The following FAM78B variants were observed in gnomAD, a reference collection of about 807,000 sequenced individuals.
FAM78B encodes protein FAM78B.
FAM78B carries 10 observed loss-of-function variants against 20.0 expected under a neutral mutation model. The ratio of observed to expected loss-of-function variants is 0.50; its 90% CI spans 0.31 to 0.85. FAM78B has a LOEUF of 0.85. FAM78B is among the 40% of genes least tolerant of loss of function. The pLI is 0.05. For missense variants in FAM78B, 283 were observed against 345.0 expected, an observed-to-expected ratio of 0.82 and a Z score of 1.42; for synonymous variants, 135 against 132.8, an observed-to-expected ratio of 1.02 and a Z score of -0.12.
At chr1:166,097,528 G>A (rs1460868486) in intron 1 of FAM78B, among the ~76,000 whole-genome samples, 1 of 151,832 alleles carries the variant, frequency 6.6e-6, no homozygotes, top group African/African-American at 2.4e-5. Context: ...GGAGCATGGT[G>A]GGAGTGAGAC....
At chr1:166,090,366 C>G (rs142741894) in intron 1 of FAM78B, among the ~76,000 whole-genome samples, 14 of 152,288 alleles carry the variant, frequency 9.2e-5, no homozygotes, top group African/African-American at 3.4e-4. Context: ...AGGTTCCGGA[C>G]AGGCAGAGCA....
chr1:166,092,023 T>C (rs1272714400), intron 1 of FAM78B, among the ~76,000 whole-genome samples: 1 of 136,510 alleles, frequency 7.3e-6, no homozygotes, highest in African/African-American at 2.8e-5. Flanking sequence ...TTAACATGAT[T>C]GAGCCATCAT....
chr1:166,111,824 T>C (rs915019287), intron 1 of FAM78B, among the ~76,000 whole-genome samples: 8 of 152,186 alleles, frequency 5.3e-5, no homozygotes, highest in Non-Finnish European at 1.0e-4. Flanking sequence ...AAGAAACAAC[T>C]AGCCATAGAG....
At chr1:166,085,329 A>AT in intron 1 of FAM78B, among the ~76,000 whole-genome samples, 1 of 152,262 alleles carries the variant, frequency 6.6e-6, no homozygotes, top group African/African-American at 2.4e-5. Context: ...GCTCAGGGGA[A>AT]GGGGGGCCAC....
chr1:166,166,757 C>G lies in FAM78B; in HGVS notation c.-509G>C, dbSNP rs993871130. 3 of 149,846 alleles carry G rather than the reference C, an allele frequency of 2.0e-5. No homozygotes were observed. Among genetic ancestry groups the G allele is most frequent in the African/African-American group, 7.3e-5 (3 of 41,114 alleles). 9.3% of individuals were successfully genotyped at this position (149,846 alleles called of 1,614,324 possible). On this transcript the variant is annotated 5_prime_UTR_variant, in exon 1 of 2. Transcript: ENST00000354422. Reference sequence around the variant, plus strand: ...TGCATGAACCTCTGCACCACGGCTGCCCCCCGCGTGCAGCGCACCCAGCGG... The same window carrying G: ...TGCATGAACCTCTGCACCACGGCTGGCCCCCGCGTGCAGCGCACCCAGCGG...
chr1:166,110,578 G>GTC (rs1654011346), intron 1 of FAM78B, among the ~76,000 whole-genome samples: 2 of 152,208 alleles, frequency 1.3e-5, no homozygotes, highest in South Asian at 4.1e-4. Context: ...TTGCTTGCCT[G>GTC]TCACAGAAAC....
At chr1:166,142,650 A>G (rs1350933362) in intron 1 of FAM78B, among the ~76,000 whole-genome samples, 2 of 152,204 alleles carry the variant, frequency 1.3e-5, no homozygotes, top group African/African-American at 4.8e-5. Context: ...TATCTCTTCA[A>G]CCAAATTATA....
intron 1 of FAM78B, among the ~76,000 whole-genome samples, chr1:166,160,439 GAACAC>G (rs758513864): frequency 5.6e-4 from 85 of 152,324 alleles, no homozygotes; most frequent in Non-Finnish European, 9.4e-4. Context: ...GGTGTTTGCT[GAACAC>G]CACTCCCAGT....
chr1:166,078,160 T>C (rs1652412130), intron 1 of FAM78B, among the ~76,000 whole-genome samples: 1 of 151,312 alleles, frequency 6.6e-6, no homozygotes, highest in Non-Finnish European at 1.5e-5. Flanking sequence ...GACTCCCGAG[T>C]AGCTGGGACT....
At chr1:166,153,328 A>G (rs901191850) in intron 1 of FAM78B, among the ~76,000 whole-genome samples, 9 of 152,214 alleles carry the variant, frequency 5.9e-5, no homozygotes, top group Non-Finnish European at 1.2e-4. Context: ...ATCTGGCTAA[A>G]GCCCTGCAGC....
chr1:166,064,749 A>T (rs1651738732), downstream of FAM78B, among the ~76,000 whole-genome samples: 1 of 152,242 alleles, frequency 6.6e-6, no homozygotes, highest in African/African-American at 2.4e-5. Flanking sequence ...ATTCTACTCA[A>T]GTCACAATAT....
Position 166,154,824 on chromosome 1 carries a change from C to T in FAM78B, c.263+11162G>A, listed in dbSNP as rs761605957. On this transcript the variant is annotated intron_variant, in intron 1 of 1. Transcript: ENST00000354422. Reference sequence around the variant, plus strand: ...TGTGGCACTGCCCTTTTCTGGGCTTCAGCGTCCCCATCTGTAAAAGAAGCA... The same window carrying T: ...TGTGGCACTGCCCTTTTCTGGGCTTTAGCGTCCCCATCTGTAAAAGAAGCA... 1.3e-5 allele frequency: 6 copies of T among 475,118 alleles called. 1 individual carries two copies. Among genetic ancestry groups the T allele is most frequent in the South Asian group, 9.3e-5 (6 of 64,766 alleles). The allele number at this position is 475,118 out of a possible 1,614,324, so 29.4% of individuals were successfully genotyped here. A position where few individuals can be genotyped will look rare whatever the true frequency, so the allele number is the denominator to read the frequency against.
At chr1:166,108,340 T>A (rs1168424347) in intron 1 of FAM78B, among the ~76,000 whole-genome samples, 2 of 152,178 alleles carry the variant, frequency 1.3e-5, no homozygotes, top group Non-Finnish European at 2.9e-5. Flanking sequence ...AGCTCTTCTA[T>A]ACACCAACAG....
At position 166,070,292 on chromosome 1, in the gene FAM78B, G is replaced by A. The variant is rs1282073616; in HGVS notation, c.735C>T (p.Leu245=). 3 of 1,572,340 alleles carry A rather than the reference G, an allele frequency of 1.9e-6. No individual in the cohort carries two copies. In the African/African-American group the frequency reaches 4.0e-5, roughly 21 times the overall value. The change falls in exon 2 of 2, where the codon CTC becomes CTT. Residue 245 remains leucine (L), a synonymous_variant. Transcript: ENST00000354422. ...VKPNANDAQV[L]MWRPKRGPPL... is the part of the protein sequence containing the mutation. Reference sequence around the variant, plus strand: ...GTGGCCCCCGCTTGGGCCTCCACATGAGGACCTGGGCATCATTGGCATTGG... The same window carrying A: ...GTGGCCCCCGCTTGGGCCTCCACATAAGGACCTGGGCATCATTGGCATTGG...
At chr1:166,155,983 A>G (rs1467553289) in intron 1 of FAM78B, among the ~76,000 whole-genome samples, 1 of 152,148 alleles carries the variant, frequency 6.6e-6, no homozygotes, top group East Asian at 1.9e-4. Context: ...ATGCCCCAGA[A>G]GCCTCTGCCT....
At chr1:166,078,925 ATGT>A (rs1243918288) in intron 1 of FAM78B, among the ~76,000 whole-genome samples, 1 of 101,698 alleles carries the variant, frequency 9.8e-6, no homozygotes, top group Non-Finnish European at 2.0e-5. Flanking sequence ...CTGGCCTTAC[ATGT>A]TTTTTTTTTT....
rs117635937 is a variant in FAM78B, at chr1:166,144,621, C to T, written c.263+21365G>A. On this transcript the variant is annotated intron_variant, in intron 1 of 1. Coordinates refer to ENST00000354422, the MANE Select transcript of FAM78B (RefSeq NM_001017961.5). ...GGCGGAAAGGGGGGCAGAGTGAGGT[C>T]CCCATTCATCTTAAACTGTACTAGC... 1.2e-4 allele frequency among the ~76,000 whole-genome samples: 18 copies of T among 152,174 alleles called. No individual in the cohort carries two copies. The East Asian group carries it at 2.1e-3, about 18-fold the overall frequency.
At chr1:166,056,640 G>C (rs1414262008), downstream of FAM78B, among the ~76,000 whole-genome samples, 1 of 152,186 alleles carries the variant, frequency 6.6e-6, no homozygotes, top group Non-Finnish European at 1.5e-5. Flanking sequence ...GTTTTGATCA[G>C]ATCCTAGGTG....
chr1:166,090,793 G>A (rs1021925564), intron 1 of FAM78B, among the ~76,000 whole-genome samples: 1 of 152,204 alleles, frequency 6.6e-6, no homozygotes, highest in African/African-American at 2.4e-5. Context: ...AGGGGCAGCA[G>A]CAAAAGCCAT....
Sources: gnomAD v4.1 joint callset for allele counts (sites outside exome capture counted in the v4.1 genomes callset) on GRCh38, gnomAD v4.1.1 for gene constraint, MANE v1.5 for transcripts, NCBI Gene and HGNC (gene_info 2026-07-23, HGNC 2026-07-21) for gene names.